SUGCT: variants seen among roughly 807,000 people sequenced by gnomAD.
SUGCT encodes the protein succinyl-CoA:glutarate CoA-transferase.
A neutral mutation model predicts 55.0 loss-of-function variants in SUGCT; 41 were observed. That is an observed-to-expected ratio of 0.74 (90% CI 0.58 to 0.97). The LOEUF (loss-of-function observed/expected upper bound fraction) is 0.97, where lower values mean the gene tolerates loss of function less well. SUGCT is among the 50% of genes least tolerant of loss of function. SUGCT has a pLI of 0.00. For missense variants in SUGCT, 568 were observed against 547.8 expected (o/e 1.04, Z -0.37); for synonymous variants, 187 against 200.4 (o/e 0.93, Z 0.56).
At chr7:40,206,910 C>T (rs985608023) in intron 6 of SUGCT, among the ~76,000 whole-genome samples, 1 of 152,098 alleles carries the variant, frequency 6.6e-6, no homozygotes. Context: ...ATAAGAAAGA[C>T]TAGTCTGGTC....
chr7:40,686,440 A>G (rs1784469923), intron 12 of SUGCT, among the ~76,000 whole-genome samples: 1 of 152,234 alleles, frequency 6.6e-6, no homozygotes. Flanking sequence ...GTTAATTTGC[A>G]TAAAAATTAA....
intron 13 of SUGCT, among the ~76,000 whole-genome samples, chr7:40,774,395 G>A (rs1286613623): frequency 1.3e-5 from 2 of 152,106 alleles, no homozygotes; most frequent in African/African-American, 4.8e-5. Flanking sequence ...AGTATAATGA[G>A]ATAAATGTGT....
intron 11 of SUGCT, among the ~76,000 whole-genome samples, chr7:40,468,318 A>T (rs1461357105): frequency 6.6e-6 from 1 of 152,056 alleles, no homozygotes; most frequent in African/African-American, 2.4e-5. Context: ...TCAGTTAAGT[A>T]ATATCTGTAA....
chr7:40,966,958 A>G, the SUGCT span: 2 of 152,232 alleles, frequency 1.3e-5, no homozygotes, highest in African/African-American at 2.4e-5. Context: ...TTTGTTCACT[A>G]TCCAGAAAGC....
intron 9 of SUGCT, among the ~76,000 whole-genome samples, chr7:40,434,874 TG>T (rs1788090229): frequency 6.6e-6 from 1 of 152,146 alleles, no homozygotes; most frequent in Non-Finnish European, 1.5e-5. Context: ...ATGCTTTTTC[TG>T]ATGCTGGGGT....
chr7:40,767,494 T>A (rs1288347889), intron 13 of SUGCT, among the ~76,000 whole-genome samples: 1 of 152,042 alleles, frequency 6.6e-6, no homozygotes, highest in East Asian at 1.9e-4. Context: ...AGTTGCCTAA[T>A]TAGGATGGAG....
the SUGCT span, among the ~76,000 whole-genome samples, chr7:40,962,565 TCACACACACACACACACA>T: frequency 5.9e-3 from 808 of 136,116 alleles, 5 homozygotes; most frequent in African/African-American, 0.021. Flanking sequence ...CAAAGGTAAA[TCACACACACACACACACA>T]CACACACACA....
At chr7:40,231,730 G>A (rs978574414) in intron 6 of SUGCT, among the ~76,000 whole-genome samples, 7 of 152,160 alleles carry the variant, frequency 4.6e-5, no homozygotes, top group Non-Finnish European at 5.9e-5. Context: ...AAAGAGTGGA[G>A]GTTTATTTTA....
intron 9 of SUGCT, among the ~76,000 whole-genome samples, chr7:40,445,201 A>T (rs910440363): frequency 6.6e-6 from 1 of 152,148 alleles, no homozygotes; most frequent in Non-Finnish European, 1.5e-5. Context: ...AAATCAATGA[A>T]TTCAGGAGCT....
the SUGCT span, among the ~76,000 whole-genome samples, chr7:40,952,412 G>T: frequency 6.6e-6 from 1 of 152,032 alleles, no homozygotes; most frequent in Non-Finnish European, 1.5e-5. Context: ...TATCCAATTT[G>T]CCAGTCTGTG....
intron 12 of SUGCT, among the ~76,000 whole-genome samples, chr7:40,699,240 G>T (rs1383702439): frequency 6.6e-6 from 1 of 152,184 alleles, no homozygotes; most frequent in African/African-American, 2.4e-5. Context: ...CCTCAGTGAG[G>T]TTTCTAGCCT....
At chr7:40,643,676 A>T (rs1369431689) in intron 12 of SUGCT, among the ~76,000 whole-genome samples, 1 of 152,226 alleles carries the variant, frequency 6.6e-6, no homozygotes, top group East Asian at 1.9e-4. Flanking sequence ...CAGAATGTAC[A>T]ATCTGACGAT....
In SUGCT at chr7:40,368,595, C is replaced by T. The variant is rs117998800; in HGVS notation, c.816+51740C>T. On this transcript the variant is annotated intron_variant, in intron 9 of 13. Transcript: ENST00000335693. ...CTTTTGTCTGCAGTTGCCTCAAGCT[C>T]AGACTTCAAGTACAAAGCATCTTCA... Among the ~76,000 whole-genome samples, 31 of 152,292 alleles carry T rather than the reference C, an allele frequency of 2.0e-4. No individual in the cohort carries two copies. In the East Asian group the frequency reaches 5.4e-3, roughly 26 times the overall value.
intron 12 of SUGCT, among the ~76,000 whole-genome samples, chr7:40,566,483 A>G (rs1284724088): frequency 6.6e-6 from 1 of 152,174 alleles, no homozygotes; most frequent in East Asian, 1.9e-4. Flanking sequence ...TATTGTTTCA[A>G]TCAAAATGGA....
At chr7:40,724,984 G>A (rs1324623390) in intron 12 of SUGCT, among the ~76,000 whole-genome samples, 1 of 152,170 alleles carries the variant, frequency 6.6e-6, no homozygotes, top group Admixed American at 6.5e-5. Context: ...AAAAGCTCTA[G>A]AAGTACTCAA....
chr7:40,626,323 C>A (rs1047716887), intron 12 of SUGCT, among the ~76,000 whole-genome samples: 1 of 151,492 alleles, frequency 6.6e-6, no homozygotes, highest in African/African-American at 2.4e-5. Context: ...GTGGTGTGAT[C>A]TTGGCTCACT....
intron 9 of SUGCT, among the ~76,000 whole-genome samples, chr7:40,324,261 A>ATATATTTATTTATTTATTTATT (rs377215730): frequency 1.0e-5 from 1 of 99,980 alleles, no homozygotes; most frequent in South Asian, 3.8e-4. Flanking sequence ...AAATATATAT[A>ATATATTTATTTATTTATTTATT]TATTTATTTT....
intron 8 of SUGCT, among the ~76,000 whole-genome samples, chr7:40,312,748 C>T (rs970838036): frequency 1.2e-4 from 18 of 152,234 alleles, no homozygotes; most frequent in African/African-American, 4.3e-4. Flanking sequence ...TTGAAATAGA[C>T]TTTGAAGAAT....
At chr7:40,853,314 C>T (rs772506660) in intron 13 of SUGCT, among the ~76,000 whole-genome samples, 2 of 151,920 alleles carry the variant, frequency 1.3e-5, no homozygotes, top group Non-Finnish European at 2.9e-5. Context: ...ATTATTTGTT[C>T]AACAAATTTG....
Sources: gnomAD v4.1 joint callset for allele counts (sites outside exome capture counted in the v4.1 genomes callset) on GRCh38, gnomAD v4.1.1 for gene constraint, MANE v1.5 for transcripts, NCBI Gene and HGNC (gene_info 2026-07-23, HGNC 2026-07-21) for gene names.